The following ACSL3 variants were observed in gnomAD, a reference collection of about 807,000 sequenced individuals.
ACSL3 encodes acyl-CoA synthetase long chain family member 3, also known as fatty acid CoA ligase Acsl3.
Under a neutral mutation model 84.7 loss-of-function variants are expected in ACSL3, and 34 were observed. That is an observed-to-expected ratio of 0.40 (90% confidence interval 0.31 to 0.53). ACSL3 has a LOEUF of 0.53. Among genes scored for constraint, ACSL3 ranks in the 20% least tolerant of loss-of-function variants. ACSL3 has a pLI of 0.48. For missense variants in ACSL3, 680 were observed against 873.1 expected (o/e 0.78, Z 2.79); for synonymous variants, 315 against 299.4 (o/e 1.05, Z -0.54).
chr2:222,928,919 TAAA>T lies in ACSL3; in HGVS notation c.1527_1529del (p.Lys509del). ...CCATTAGTTTGCTGTGAAATCAAAT[TAAA>T]AAACTGGGAGGAAGGTAATAAACTA... On this transcript the variant is annotated inframe_deletion, in exon 13 of 17. Coordinates refer to ENST00000357430, the MANE Select transcript of ACSL3 (RefSeq NM_004457.5). The T allele has an allele frequency of 6.2e-7, 1 of 1,613,458 alleles. No homozygotes were observed. Among genetic ancestry groups the T allele is most frequent in the Non-Finnish European group, 8.5e-7 (1 of 1,179,586 alleles).
chr2:222,898,699 C>T (rs977386495), intron 2 of ACSL3, among the ~76,000 whole-genome samples: 12 of 152,000 alleles, frequency 7.9e-5, no homozygotes, highest in African/African-American at 9.7e-5. Context: ...CAGTGGCGGG[C>T]GCCTGTAGTC....
At chr2:222,923,198 G>T in intron 10 of ACSL3, 49 bp downstream of exon 10, 1 of 1,433,608 alleles carries the variant, frequency 7.0e-7, no homozygotes, top group South Asian at 1.2e-5. Flanking sequence ...AGTATCACCC[G>T]CTACAAAGCA....
chr2:222,898,632 G>A (rs1402150645), intron 2 of ACSL3, among the ~76,000 whole-genome samples: 6 of 152,154 alleles, frequency 3.9e-5, no homozygotes, highest in Non-Finnish European at 4.4e-5. Context: ...GACCATCCCG[G>A]CTAACACAGT....
At chr2:222,940,860 G>A (rs144339753) in intron 16 of ACSL3, among the ~76,000 whole-genome samples, 251 of 152,002 alleles carry the variant, frequency 1.7e-3, no homozygotes, top group African/African-American at 5.8e-3. Context: ...AGAGATGCGT[G>A]ACTATATTGG....
chr2:222,931,546 A>G (rs1244058782), intron 14 of ACSL3, among the ~76,000 whole-genome samples: 1 of 151,984 alleles, frequency 6.6e-6, no homozygotes, highest in East Asian at 1.9e-4. Context: ...TTTATGAGCT[A>G]TGTCTCAAAA....
intron 6 of ACSL3, among the ~76,000 whole-genome samples, 168 bp downstream of exon 6, chr2:222,918,323 G>A (rs1696640441): frequency 1.3e-5 from 2 of 151,928 alleles, no homozygotes; most frequent in Non-Finnish European, 2.9e-5. Context: ...AGTAGATTTT[G>A]TATATATTCA....
chr2:222,916,238 A>G lies in ACSL3; in HGVS notation c.379-81A>G, dbSNP rs1037087318. On this transcript the variant is annotated intron_variant, in intron 4 of 16. Coordinates refer to ENST00000357430, the MANE Select transcript of ACSL3 (RefSeq NM_004457.5). ...TGCAAACGTAACTTTCTGGTTCATC[A>G]TAACATTTGGACGATATTCTGGTTT... The G allele has an allele frequency of 2.8e-4, 258 of 935,118 alleles. 3 individuals carry two copies. The East Asian group carries it at 6.7e-3, about 24-fold the overall frequency. The allele number at this position is 935,118 out of a possible 1,614,324, so 57.9% of individuals were successfully genotyped here.
chr2:222,939,026 A>G (rs1193510799), intron 16 of ACSL3, among the ~76,000 whole-genome samples: 1 of 151,338 alleles, frequency 6.6e-6, no homozygotes, highest in Non-Finnish European at 1.5e-5. Flanking sequence ...GTTTTTTTTC[A>G]GGTGTCTGTC....
chr2:222,879,174 C>T (rs1303178323), intron 1 of ACSL3, among the ~76,000 whole-genome samples: 3 of 151,984 alleles, frequency 2.0e-5, no homozygotes, highest in South Asian at 2.1e-4. Flanking sequence ...CAAAATTAGC[C>T]GGGCATGGTG....
At position 222,928,450 on chromosome 2, in the gene ACSL3, T is replaced by C. The variant is rs552040799; in HGVS notation, c.1466-412T>C. Among the ~76,000 whole-genome samples, 12 of 152,286 alleles carry C rather than the reference T, an allele frequency of 7.9e-5. No individual in the cohort carries two copies. The East Asian group carries it at 1.9e-3, about 24-fold the overall frequency. ...ATTTCAAACTCAAGAACCAGGCAGC[T>C]ACCTATTTAAATGAGTCAAGTGGGC... On this transcript the variant is annotated intron_variant, in intron 12 of 16. Transcript: ENST00000357430.
At chr2:222,879,734 T>A (rs1481258954) in intron 1 of ACSL3, among the ~76,000 whole-genome samples, 3 of 152,162 alleles carry the variant, frequency 2.0e-5, no homozygotes, top group Admixed American at 2.0e-4. Context: ...GATGCACACA[T>A]TTGCCGTAGT....
At chr2:222,873,566 A>G (rs1032535772) in intron 1 of ACSL3, among the ~76,000 whole-genome samples, 5 of 152,230 alleles carry the variant, frequency 3.3e-5, no homozygotes, top group East Asian at 1.9e-4. Flanking sequence ...CATAAATTCT[A>G]CATTCTAGAT....
At chr2:222,883,538 A>T (rs1484914488) in intron 1 of ACSL3, among the ~76,000 whole-genome samples, 1 of 151,910 alleles carries the variant, frequency 6.6e-6, no homozygotes, top group Non-Finnish European at 1.5e-5. Flanking sequence ...GAGCTTTGAG[A>T]ATTTACGTGG....
chr2:222,867,004 T>C (rs1043361645), intron 1 of ACSL3, among the ~76,000 whole-genome samples: 5 of 151,636 alleles, frequency 3.3e-5, no homozygotes, highest in Non-Finnish European at 5.9e-5. Context: ...TCGGCTAATT[T>C]TTGTATTTTT....
intron 1 of ACSL3, among the ~76,000 whole-genome samples, chr2:222,885,609 G>T (rs1262525981): frequency 6.6e-6 from 1 of 152,096 alleles, no homozygotes; most frequent in Non-Finnish European, 1.5e-5. Flanking sequence ...GAGGAAACTG[G>T]CACAAGAAAT....
chr2:222,918,677 T>C (rs1290371493), intron 6 of ACSL3, among the ~76,000 whole-genome samples: 1 of 147,160 alleles, frequency 6.8e-6, no homozygotes, highest in East Asian at 2.1e-4. Flanking sequence ...AAAAAGAAAA[T>C]TTTGAACAAG....
intron 3 of ACSL3, among the ~76,000 whole-genome samples, chr2:222,905,469 A>G (rs1211493339): frequency 6.6e-6 from 1 of 152,172 alleles, no homozygotes; most frequent in Non-Finnish European, 1.5e-5. Context: ...CCATGATATT[A>G]TTTTTAATTC....
At chr2:222,872,185 C>T (rs1293393549) in intron 1 of ACSL3, among the ~76,000 whole-genome samples, 1 of 152,172 alleles carries the variant, frequency 6.6e-6, no homozygotes, top group Non-Finnish European at 1.5e-5. Flanking sequence ...AGTGCAGTGG[C>T]ACGATCTTGG....
At chr2:222,925,813 A>G (rs1696862941) in intron 11 of ACSL3, among the ~76,000 whole-genome samples, 1 of 152,098 alleles carries the variant, frequency 6.6e-6, no homozygotes, top group South Asian at 2.1e-4. Context: ...TTGTATTTAA[A>G]GCTTTAAATG....
Sources: allele counts gnomAD v4.1 joint callset (sites outside exome capture counted in the v4.1 genomes callset), GRCh38; gene constraint gnomAD v4.1.1; transcripts MANE v1.5; gene names NCBI Gene and HGNC (gene_info 2026-07-23, HGNC 2026-07-21).